Variants in BRD1 observed in about 807,000 individuals in gnomAD.
BRD1 encodes bromodomain containing 1.
BRD1 carries 24 observed loss-of-function variants against 107.7 expected under a neutral mutation model. The ratio of observed to expected loss-of-function variants is 0.22; its 90% CI spans 0.16 to 0.31. BRD1 has a LOEUF of 0.31. Among genes scored for constraint, BRD1 ranks in the 10% least tolerant of loss-of-function variants. The probability of loss-of-function intolerance (pLI) is 1.00; values close to 1 mark genes in which losing one functional copy is unlikely to be tolerated. For missense variants in BRD1, 1,279 were observed against 1,638.6 expected, an observed-to-expected ratio of 0.78 and a Z score of 3.79; for synonymous variants, 744 against 686.1, an observed-to-expected ratio of 1.08 and a Z score of -1.32.
intron 2 of BRD1, among the ~76,000 whole-genome samples, chr22:49,807,737 A>G (rs565241911): frequency 6.6e-6 from 1 of 152,368 alleles, no homozygotes; most frequent in Admixed American, 6.5e-5. Flanking sequence ...ACAGGAAACA[A>G]AAAGAAAAAA....
In BRD1 at chr22:49,822,644, G is replaced by C. The variant is rs142462883; in HGVS notation, c.1367+307C>G. On this transcript the variant is annotated intron_variant, in intron 2 of 12. Coordinates refer to ENST00000404760, the MANE Select transcript of BRD1 (RefSeq NM_001304808.3). ...AGAATTGCTTGAACCCAGGAGGCGG[G>C]GGTTGCAGTGAGCTGAGATTGCGCC... Among the ~76,000 whole-genome samples the C allele has an allele frequency of 8.2e-4, 124 of 151,456 alleles. No homozygotes were observed. The East Asian group carries it at 0.02, about 24-fold the overall frequency.
intron 6 of BRD1, among the ~76,000 whole-genome samples, chr22:49,796,094 TTC>T (rs1379441050): frequency 7.7e-6 from 1 of 129,746 alleles, no homozygotes; most frequent in Non-Finnish European, 1.5e-5. Context: ...CCATTGTGTT[TTC>T]TTTTTTTTTT....
chr22:49,801,951 T>C (rs1018800139), intron 3 of BRD1, among the ~76,000 whole-genome samples: 8 of 152,144 alleles, frequency 5.3e-5, no homozygotes, highest in African/African-American at 1.9e-4. Context: ...AGAGTAGAAA[T>C]GATGATTCCC....
chr22:49,784,711 T>C (rs941134910), intron 8 of BRD1, among the ~76,000 whole-genome samples: 1 of 152,226 alleles, frequency 6.6e-6, no homozygotes, highest in Non-Finnish European at 1.5e-5. Context: ...TGCGAAGAAC[T>C]GCAGCTCTGG....
Position 49,783,856 on chromosome 22 carries a change from T to C in BRD1, c.2857+3534A>G, listed in dbSNP as rs372708349. On this transcript the variant is annotated intron_variant, in intron 8 of 12. Coordinates refer to ENST00000404760, the MANE Select transcript of BRD1 (RefSeq NM_001304808.3). This position sits in a 1 kb window ranked among gnomAD's most constrained non-coding sequence, Gnocchi z 4.2. ...CGCAAGAATTAAGTGAAAGGCAAGA[T>C]GCAGTGATCTTTGTGCATTCCAAAA... Among the ~76,000 whole-genome samples, 1 of 152,232 alleles carries C rather than the reference T, an allele frequency of 6.6e-6. No individual in the cohort carries two copies. The highest frequency in any genetic ancestry group is 1.9e-4 in the East Asian group (1 of 5,198).
rs368178906 is a variant in BRD1 at position 49,774,217 on chromosome 22, G to A, written c.*16C>T. 20 of 1,609,486 alleles carry A rather than the reference G, an allele frequency of 1.2e-5. No individual in the cohort carries two copies. The highest frequency in any genetic ancestry group is 8.0e-5 in the African/African-American group (6 of 74,828). ...TATCAACACTATGGACAAGACCCGC[G>A]CTGGCGGCCGGGCCGTCAGTCAATG... On this transcript the variant is annotated 3_prime_UTR_variant, in exon 13 of 13. Transcript: ENST00000404760.
At position 49,824,941 on chromosome 22, in the gene BRD1, A is replaced by AAT; in HGVS notation, c.-14-611_-14-610insAT. On this transcript the variant is annotated intron_variant, in intron 1 of 12. Transcript: ENST00000404760. This position sits in a 1 kb window ranked among gnomAD's most constrained non-coding sequence, Gnocchi z 5.9. The stretch of plus-strand genomic sequence containing the variant: ...AGATCACAGCCTGTCCATCCTCTAT[A>AAT]GACAGGCCCTCCACACGCACAACAC... 4.7e-6 allele frequency: 2 copies of AAT among 423,924 alleles called. No individual in the cohort carries two copies. The highest frequency in any genetic ancestry group is 1.8e-4 in the South Asian group (2 of 11,010). 26.3% of individuals were successfully genotyped at this position (423,924 alleles called of 1,614,324 possible). A position where few individuals can be genotyped will look rare whatever the true frequency, so the allele number is the denominator to read the frequency against.
intron 12 of BRD1, 76 bp from the exon 13 acceptor site, chr22:49,774,492 C>G (rs967397562): frequency 2.5e-5 from 37 of 1,464,130 alleles, no homozygotes; most frequent in Middle Eastern, 1.8e-4. Flanking sequence ...AATCATCTAA[C>G]AAATTCACTG....
chr22:49,777,288 C>G, intron 9 of BRD1, 127 bp from the exon 10 acceptor site: 2 of 1,451,250 alleles, frequency 1.4e-6, no homozygotes, highest in Admixed American at 1.8e-5. Context: ...CGCGGCCAGA[C>G]GGGCCTGTGG....
At position 49,783,430 on chromosome 22, in the gene BRD1, C is replaced by A. The variant is rs2059255253; in HGVS notation, c.2857+3960G>T. ...AGTGAGTGAGCACGCACTGTCCATG[C>A]CACATCCTCAGACAGTGCCGAGCCA... On this transcript the variant is annotated intron_variant, in intron 8 of 12. Transcript: ENST00000404760. This position sits in a 1 kb window ranked among gnomAD's most constrained non-coding sequence, Gnocchi z 4.2. Among the ~76,000 whole-genome samples, 1 of 152,248 alleles carries A rather than the reference C, an allele frequency of 6.6e-6. No individual in the cohort carries two copies. Among genetic ancestry groups the A allele is most frequent in the African/African-American group, 2.4e-5 (1 of 41,476 alleles).
chr22:49,819,746 C>A (rs2060027993), intron 2 of BRD1, among the ~76,000 whole-genome samples: 1 of 151,912 alleles, frequency 6.6e-6, no homozygotes, highest in South Asian at 2.1e-4. Flanking sequence ...ACACACCCAG[C>A]CCTGCCTGTT....
intron 7 of BRD1, among the ~76,000 whole-genome samples, chr22:49,791,484 G>C (rs971149765): frequency 6.6e-6 from 1 of 152,306 alleles, no homozygotes; most frequent in East Asian, 1.9e-4. Context: ...ACTCTTTTCA[G>C]GTGTGAAAAT....
rs1468417235 is a variant in BRD1 at position 49,773,602 on chromosome 22, T to C, written c.*631A>G. The C allele has an allele frequency of 1.3e-5, 2 of 152,700 alleles. No individual in the cohort carries two copies. The highest frequency in any genetic ancestry group is 4.8e-5 in the African/African-American group (2 of 41,472). The allele number at this position is 152,700 out of a possible 1,614,324, so 9.5% of individuals were successfully genotyped here. A position where few individuals can be genotyped will look rare whatever the true frequency, so the allele number is the denominator to read the frequency against. ...GAATTTTTATGTGCCTGTATAAAAA[T>C]GCATATCAATATACCTTTGCAAATG... On this transcript the variant is annotated 3_prime_UTR_variant, in exon 13 of 13. Coordinates refer to ENST00000404760, the MANE Select transcript of BRD1 (RefSeq NM_001304808.3).
intron 6 of BRD1, among the ~76,000 whole-genome samples, chr22:49,796,423 C>G (rs2059533809): frequency 6.6e-6 from 1 of 151,670 alleles, no homozygotes; most frequent in South Asian, 2.1e-4. Context: ...ATGGCACAAT[C>G]TCCGCTCACT....
At position 49,777,828 on chromosome 22, in the gene BRD1, G is replaced by A; in HGVS notation, c.2858-15C>T. 1 of 1,589,234 alleles carries A rather than the reference G, an allele frequency of 6.3e-7. No individual in the cohort carries two copies. Among genetic ancestry groups the A allele is most frequent in the Non-Finnish European group, 8.5e-7 (1 of 1,171,826 alleles). ...GTTGGTGAGACCTGGAACACAGGCG[G>A]GCAGGCCCTGAGCTCAGCACAACCA... On this transcript the variant is annotated splice_polypyrimidine_tract_variant and intron_variant, in intron 8 of 12. Transcript: ENST00000404760.
chr22:49,789,671 C>A (rs974572356), intron 7 of BRD1, among the ~76,000 whole-genome samples: 2 of 152,180 alleles, frequency 1.3e-5, no homozygotes, highest in Admixed American at 6.5e-5. Flanking sequence ...CCGGGAGACC[C>A]CCCTTCCCCC....
At chr22:49,819,727 G>A (rs2060027587) in intron 2 of BRD1, among the ~76,000 whole-genome samples, 1 of 151,760 alleles carries the variant, frequency 6.6e-6, no homozygotes, top group Non-Finnish European at 1.5e-5. Flanking sequence ...GGCATTACAG[G>A]TGTGAGCCAC....
intron 2 of BRD1, among the ~76,000 whole-genome samples, chr22:49,813,758 G>A (rs2147296512): frequency 6.6e-6 from 1 of 151,966 alleles, no homozygotes; most frequent in South Asian, 2.1e-4. Flanking sequence ...GAGCCCAGGA[G>A]GCGGAGGCTG....
chr22:49,775,017 C>A (rs1202233790), intron 12 of BRD1, among the ~76,000 whole-genome samples: 5 of 152,224 alleles, frequency 3.3e-5, no homozygotes, highest in African/African-American at 4.8e-5. Context: ...ACAGCCGGGG[C>A]CACAGCTCCT....
Sources: gnomAD v4.1 joint callset for allele counts (sites outside exome capture counted in the v4.1 genomes callset) on GRCh38, gnomAD v4.1.1 for gene constraint, Gnocchi (gnomAD v3.1) non-coding constraint, MANE v1.5 for transcripts, NCBI Gene and HGNC (gene_info 2026-07-23, HGNC 2026-07-21) for gene names.